Variants in FGD5 observed in about 807,000 individuals in gnomAD.
FGD5 encodes FYVE, RhoGEF and PH domain-containing protein 5.
FGD5 carries 28 observed loss-of-function variants against 133.4 expected under a neutral mutation model. That is an observed-to-expected ratio of 0.21 (90% CI 0.16 to 0.29). The LOEUF (loss-of-function observed/expected upper bound fraction) is 0.29, where lower values mean the gene tolerates loss of function less well. Ranked by LOEUF, FGD5 falls within the 10% of genes least tolerant of loss-of-function variation. The pLI, the probability that FGD5 is intolerant of heterozygous loss-of-function variation, is 1.00. For missense variants in FGD5, 1,858 were observed against 1,895.2 expected, an observed-to-expected ratio of 0.98 and a Z score of 0.36; for synonymous variants, 810 against 776.5, an observed-to-expected ratio of 1.04 and a Z score of -0.72.
rs2036507562 is a variant in FGD5 at position 14,821,691 on chromosome 3, C to T, written c.2525+95C>T. On this transcript the variant is annotated intron_variant, in intron 1 of 19. Transcript: ENST00000285046. ...GACAGATGGACTTGCTTTCCAGCCTCAGGCTCTGTTTCTTACTAGCTGTGT... is the reference window on the plus strand; with the variant it reads ...GACAGATGGACTTGCTTTCCAGCCTTAGGCTCTGTTTCTTACTAGCTGTGT... The T allele has an allele frequency of 2.8e-6, 4 of 1,430,972 alleles. No homozygotes were observed. In the East Asian group the frequency reaches 1.0e-4, roughly 36 times the overall value. The allele number at this position is 1,430,972 out of a possible 1,614,324, so 88.6% of individuals were successfully genotyped here. A position where few individuals can be genotyped will look rare whatever the true frequency, so the allele number is the denominator to read the frequency against.
chr3:14,832,061 CAA>C (rs1226576164), intron 1 of FGD5, among the ~76,000 whole-genome samples: 2 of 152,272 alleles, frequency 1.3e-5, no homozygotes, highest in Admixed American at 6.5e-5. Context: ...AGAATGAGCT[CAA>C]GTCTACCTCC....
intron 18 of FGD5, among the ~76,000 whole-genome samples, chr3:14,929,806 G>C (rs1417529270): frequency 6.6e-6 from 1 of 152,136 alleles, no homozygotes; most frequent in Non-Finnish European, 1.5e-5. Context: ...TGGCTTCCCT[G>C]TTCATTTTCT....
At chr3:14,900,481 G>T in intron 8 of FGD5, 28 bp downstream of exon 8, 7 of 1,610,994 alleles carry the variant, frequency 4.3e-6, no homozygotes, top group Non-Finnish European at 5.9e-6. Flanking sequence ...GCGGAGGGAG[G>T]TACTCAAGCC....
Position 14,922,320 on chromosome 3 carries a change from C to T in FGD5, c.3670-91C>T. Reference sequence around the variant, plus strand: ...ACTCACCCACACATCACACACCCTGCACAGAGACGCAGGGCAGGGCTCACT... The same window carrying T: ...ACTCACCCACACATCACACACCCTGTACAGAGACGCAGGGCAGGGCTCACT... On this transcript the variant is annotated intron_variant, in intron 14 of 19. Coordinates refer to ENST00000285046, the MANE Select transcript of FGD5 (RefSeq NM_152536.4). The surrounding 1 kb of genome is among the most constrained non-coding windows in gnomAD (Gnocchi z 4.1). 2 of 1,514,600 alleles carry T rather than the reference C, an allele frequency of 1.3e-6. No individual in the cohort carries two copies. Among genetic ancestry groups the T allele is most frequent in the East Asian group, 2.5e-5 (1 of 40,640 alleles). 93.8% of individuals were successfully genotyped at this position (1,514,600 alleles called of 1,614,324 possible). A position where few individuals can be genotyped will look rare whatever the true frequency, so the allele number is the denominator to read the frequency against.
At position 14,932,630 on chromosome 3, in the gene FGD5, A is replaced by T. The variant is rs1261037951; in HGVS notation, c.4251A>T (p.Glu1417Asp). The T allele has an allele frequency of 6.2e-7, 1 of 1,614,050 alleles. No homozygotes were observed. The highest frequency in any genetic ancestry group is 1.7e-5 in the Admixed American group (1 of 60,026). The change falls in exon 19 of 20, where the codon GAA becomes GAT. Residue 1417 changes from glutamate (E) to aspartate (D), a missense_variant. Around this residue, in one of 3 missense-constraint regions of FGD5, gnomAD observed 1,824 missense variants for 1,848.9 expected, o/e 0.99. Coordinates refer to ENST00000285046, the MANE Select transcript of FGD5 (RefSeq NM_152536.4). ...MPLLGFTIAP[E>D]KEEGSSEVGP... Reference sequence around the variant, plus strand: ...TGCTAGGCTTCACCATTGCTCCAGAAAAGGAAGAGGGCAGCAGTGAAGTAG... The same window carrying T: ...TGCTAGGCTTCACCATTGCTCCAGATAAGGAAGAGGGCAGCAGTGAAGTAG...
At chr3:14,863,493 A>G (rs545241368) in intron 1 of FGD5, among the ~76,000 whole-genome samples, 17 of 152,186 alleles carry the variant, frequency 1.1e-4, no homozygotes, top group Admixed American at 8.5e-4. Context: ...GCTGACTGCT[A>G]TGTTCATTAT....
At chr3:14,877,418 C>G (rs2037741300) in intron 2 of FGD5, among the ~76,000 whole-genome samples, 1 of 152,150 alleles carries the variant, frequency 6.6e-6, no homozygotes, top group Non-Finnish European at 1.5e-5. Context: ...CTGTCCTCGA[C>G]AGCTTGGAGA....
intron 7 of FGD5, among the ~76,000 whole-genome samples, chr3:14,900,100 G>A (rs1302325263): frequency 2.0e-5 from 3 of 152,194 alleles, no homozygotes; most frequent in Admixed American, 6.5e-5. Flanking sequence ...CATGTCTGTC[G>A]CCCCCAGTGG....
intron 4 of FGD5, among the ~76,000 whole-genome samples, chr3:14,892,790 G>C (rs1044150609): frequency 4.7e-5 from 7 of 150,276 alleles, no homozygotes; most frequent in African/African-American, 9.8e-5. Context: ...TTGCACTCCA[G>C]ACTGGGCAAC....
At chr3:14,858,566 C>G (rs897275176) in intron 1 of FGD5, among the ~76,000 whole-genome samples, 1 of 152,164 alleles carries the variant, frequency 6.6e-6, no homozygotes, top group Non-Finnish European at 1.5e-5. Flanking sequence ...AGACACTGTA[C>G]CCTCAGTACC....
intron 1 of FGD5, among the ~76,000 whole-genome samples, chr3:14,811,149 C>T (rs1294545176): frequency 1.3e-5 from 2 of 152,130 alleles, no homozygotes; most frequent in Admixed American, 6.5e-5. Flanking sequence ...GCACGGCGTT[C>T]CCCGGAGTGA....
chr3:14,875,554 G>A (rs746104825), intron 2 of FGD5, among the ~76,000 whole-genome samples: 1 of 152,186 alleles, frequency 6.6e-6, no homozygotes, highest in Non-Finnish European at 1.5e-5. Flanking sequence ...GCCCTGAGCT[G>A]AGCCACAGGG....
chr3:14,912,939 G>C (rs1003257601), intron 11 of FGD5, among the ~76,000 whole-genome samples: 2 of 152,128 alleles, frequency 1.3e-5, no homozygotes, highest in African/African-American at 4.8e-5. Context: ...AGGAGGCAGA[G>C]GCAGGAGAAT....
chr3:14,902,001 G>C (rs1658662650), intron 9 of FGD5, among the ~76,000 whole-genome samples: 1 of 152,202 alleles, frequency 6.6e-6, no homozygotes, highest in Admixed American at 6.5e-5. Flanking sequence ...GATGATACGG[G>C]CCAGGTGTGG....
At position 14,927,947 on chromosome 3, in the gene FGD5, T is replaced by TA. The variant is rs1553632754; in HGVS notation, c.4197+1751dup. ...GCCTAGCTAATTTTTTTTTTTTTTT[T>TA]AATTTTTTTTTTTGAGATGGAGACT... On this transcript the variant is annotated intron_variant, in intron 18 of 19. Transcript: ENST00000285046. Among the ~76,000 whole-genome samples, 599 of 148,816 alleles carry TA rather than the reference T, an allele frequency of 4.0e-3. 6 individuals carry two copies. The highest frequency in any genetic ancestry group is 0.014 in the African/African-American group (546 of 40,438).
rs150012336 is a variant in FGD5, at chr3:14,888,434, G to C, written c.2748+7662G>C. Among the ~76,000 whole-genome samples, 876 of 152,310 alleles carry C rather than the reference G, an allele frequency of 5.8e-3. 34 individuals carry two copies. Among genetic ancestry groups the C allele is most frequent in the Admixed American group, 0.051 (785 of 15,294 alleles). The stretch of plus-strand genomic sequence containing the variant: ...CTGGCATACATGTAACCCAGCCCCA[G>C]CTGTGCAGTAGGTGCCCAGGAGGGC... On this transcript the variant is annotated intron_variant, in intron 4 of 19. Transcript: ENST00000285046.
chr3:14,907,862 A>G (rs942642028), intron 10 of FGD5, among the ~76,000 whole-genome samples, 151 bp downstream of exon 10: 3 of 152,066 alleles, frequency 2.0e-5, no homozygotes, highest in African/African-American at 7.2e-5. Flanking sequence ...GGCTCACTGG[A>G]TTCTCCTGGC....
intron 1 of FGD5, among the ~76,000 whole-genome samples, chr3:14,854,722 CTTTT>C: frequency 6.6e-6 from 1 of 152,178 alleles, no homozygotes; most frequent in South Asian, 2.1e-4. Flanking sequence ...ACCTGGCCCT[CTTTT>C]ATTTTTTAAA....
At chr3:14,868,039 C>G (rs1334305907) in intron 2 of FGD5, among the ~76,000 whole-genome samples, 1 of 152,108 alleles carries the variant, frequency 6.6e-6, no homozygotes, top group Admixed American at 6.5e-5. Flanking sequence ...ACCCACATGT[C>G]TGACCTCTCC....
Sources: gnomAD v4.1 joint callset for allele counts (sites outside exome capture counted in the v4.1 genomes callset) on GRCh38, gnomAD v4.1.1 for gene constraint, gnomAD v4.1.1 regional missense constraint, Gnocchi (gnomAD v3.1) non-coding constraint, MANE v1.5 for transcripts, NCBI Gene and HGNC (gene_info 2026-07-23, HGNC 2026-07-21) for gene names.